The following SERF2 variants were observed in gnomAD, a reference collection of about 807,000 sequenced individuals.
The protein encoded by SERF2 is small EDRK-rich factor 2.
Under a neutral mutation model 10.7 loss-of-function variants are expected in SERF2, and 4 were observed. The ratio of observed to expected loss-of-function variants is 0.37; its 90% CI spans 0.18 to 0.86. SERF2 has a LOEUF of 0.86. SERF2 is among the 40% of genes least tolerant of loss of function. The pLI is 0.43. For missense variants in SERF2, 47 were observed against 79.1 expected (o/e 0.59, Z 1.54); for synonymous variants, 26 against 26.0 (o/e 1.00, Z 0.01).
chr15:43,793,890 T>A lies in SERF2; in HGVS notation c.*117T>A. On this transcript the variant is annotated 3_prime_UTR_variant, in exon 3 of 3. Coordinates refer to ENST00000249786, the MANE Select transcript of SERF2 (RefSeq NM_001018108.4). ...GGTCCCAGCACCGATGGCATTCCCT[T>A]TGCCCTGAGTCTGCAGCGGGTCCCT... 1 of 1,601,594 alleles carries A rather than the reference T, an allele frequency of 6.2e-7. No individual in the cohort carries two copies. The highest frequency in any genetic ancestry group is 8.5e-7 in the Non-Finnish European group (1 of 1,173,658).
At chr15:43,783,925 CTA>C (rs1364935253) in intron 1 of SERF2, among the ~76,000 whole-genome samples, 12 of 69,442 alleles carry the variant, frequency 1.7e-4, no homozygotes, top group South Asian at 6.0e-4. Context: ...CCACGCCCAG[CTA>C]TTTTTTTTTT....
chr15:43,777,409 A>C, exon 1 of SERF2: 1 of 263,302 alleles, frequency 3.8e-6, no homozygotes, highest in Non-Finnish European at 7.7e-6. Flanking sequence ...CCGAGAGACC[A>C]GAGGATGGCT....
chr15:43,792,563 G>C, intron 1 of SERF2, 180 bp downstream of exon 1: 1 of 1,479,282 alleles, frequency 6.8e-7, no homozygotes, highest in Non-Finnish European at 9.0e-7. Flanking sequence ...GCTACTTCAC[G>C]GGACCACCCT....
At chr15:43,783,340 C>G (rs770519648) in intron 1 of SERF2, among the ~76,000 whole-genome samples, 1 of 150,392 alleles carries the variant, frequency 6.6e-6, no homozygotes, top group Non-Finnish European at 1.5e-5. Flanking sequence ...CTCTGTTGCC[C>G]AGGCTGGAGT....
chr15:43,777,303 C>T, exon 1 of SERF2: 1 of 368,002 alleles, frequency 2.7e-6, no homozygotes, highest in Non-Finnish European at 5.4e-6. Context: ...AACCTGCAAC[C>T]CCTTGAGGGT....
chr15:43,791,081 CT>C (rs1429880132), upstream of SERF2, among the ~76,000 whole-genome samples: 19 of 134,712 alleles, frequency 1.4e-4, no homozygotes, highest in Admixed American at 1.5e-4. Flanking sequence ...CTTATTAACT[CT>C]TTTTTTTTTG....
At chr15:43,778,583 A>C (rs1476535932) in intron 1 of SERF2, among the ~76,000 whole-genome samples, 4 of 53,966 alleles carry the variant, frequency 7.4e-5, no homozygotes, top group African/African-American at 3.7e-4. Context: ...TTCCATCTCA[A>C]AAAAAAAAAA....
intron 2 of SERF2, 40 bp from the exon 3 acceptor site, chr15:43,793,670 C>T (rs558401790): frequency 9.3e-6 from 15 of 1,613,562 alleles, no homozygotes; most frequent in Admixed American, 5.0e-5. Flanking sequence ...TCCTTTTTGC[C>T]CTCTGGTACC....
Position 43,795,597 on chromosome 15 carries a change from TCCC to T in SERF2, c.*1827_*1829del. ...AGCTGCTGAAACACCTCTTCCCCTC[TCCC>T]CCAACTACCTTTGTTAAGGCTCTTG... is the stretch of plus-strand genomic sequence containing the variant. On this transcript the variant is annotated 3_prime_UTR_variant, in exon 3 of 3. Transcript: ENST00000249786. The T allele has an allele frequency of 3.7e-6, 6 of 1,611,220 alleles. No individual in the cohort carries two copies. Among genetic ancestry groups the T allele is most frequent in the Non-Finnish European group, 5.1e-6 (6 of 1,177,670 alleles).
chr15:43,777,127 C>T (rs577579050), exon 1 of SERF2: 6 of 729,480 alleles, frequency 8.2e-6, no homozygotes, highest in African/African-American at 1.7e-5. Context: ...TCGGCGCTTT[C>T]TTCTAGGATC....
In SERF2 at chr15:43,793,824, C is replaced by A. The variant is rs755878719; in HGVS notation, c.*51C>A. 6.2e-7 allele frequency: 1 copy of A among 1,613,822 alleles called. No individual in the cohort carries two copies. The highest frequency in any genetic ancestry group is 1.7e-5 in the Admixed American group (1 of 59,994). Reference sequence around the variant, plus strand: ...TTGCCCTTCGCCTGTGTGCCTGGAGCCAGTCCCACCACGCTCGCGTTTCCT... The same window carrying A: ...TTGCCCTTCGCCTGTGTGCCTGGAGACAGTCCCACCACGCTCGCGTTTCCT... On this transcript the variant is annotated 3_prime_UTR_variant, in exon 3 of 3. Coordinates refer to ENST00000249786, the MANE Select transcript of SERF2 (RefSeq NM_001018108.4).
intron 1 of SERF2, among the ~76,000 whole-genome samples, chr15:43,778,979 T>C (rs2086945125): frequency 6.6e-6 from 1 of 152,052 alleles, no homozygotes; most frequent in Admixed American, 6.6e-5. Flanking sequence ...AAGAAAAAGT[T>C]TTAAGATGGG....
At chr15:43,792,040 G>C (rs1310132257), upstream of SERF2, 5 of 485,160 alleles carry the variant, frequency 1.0e-5, no homozygotes, top group Non-Finnish European at 1.9e-5. Flanking sequence ...ACGTGCTCGA[G>C]CCCGCGGGAG....
exon 1 of SERF2, chr15:43,777,376 A>C: frequency 3.2e-6 from 1 of 313,050 alleles, no homozygotes; most frequent in South Asian, 2.5e-5. Context: ...GTTCGCGCCC[A>C]GTTAGCCCCG....
upstream of SERF2, among the ~76,000 whole-genome samples, chr15:43,789,227 G>A (rs1247747020): frequency 1.3e-5 from 2 of 151,796 alleles, no homozygotes; most frequent in African/African-American, 4.8e-5. Flanking sequence ...TATATTAGCA[G>A]TAGTAACTTG....
intron 1 of SERF2, chr15:43,777,513 C>T (rs923855678): frequency 2.2e-5 from 4 of 184,592 alleles, no homozygotes; most frequent in Non-Finnish European, 4.6e-5. Flanking sequence ...GTAATTGGGG[C>T]CCTGCGGTTG....
chr15:43,795,025 G>C lies in SERF2; in HGVS notation c.*1252G>C. On this transcript the variant is annotated 3_prime_UTR_variant, in exon 3 of 3. Transcript: ENST00000249786. ...TTAGACTGGAGGATATTTGTTATCT[G>C]GGGATATGATGCGGTGGCGGCGGCG... 1 of 1,611,930 alleles carries C rather than the reference G, an allele frequency of 6.2e-7. No individual in the cohort carries two copies. Among genetic ancestry groups the C allele is most frequent in the Non-Finnish European group, 8.5e-7 (1 of 1,179,750 alleles).
rs776952164 is a variant in SERF2 at position 43,794,097 on chromosome 15, G to A, written c.*324G>A. ...CTTGGGGGGATGGGGTTGGAAGAATGACTGCCCTTTCCCACCAAAAAAGGG... is the reference window on the plus strand; with the variant it reads ...CTTGGGGGGATGGGGTTGGAAGAATAACTGCCCTTTCCCACCAAAAAAGGG... On this transcript the variant is annotated 3_prime_UTR_variant, in exon 3 of 3. Transcript: ENST00000249786. 1.6e-4 allele frequency: 151 copies of A among 921,812 alleles called. No individual in the cohort carries two copies. The highest frequency in any genetic ancestry group is 2.3e-4 in the Non-Finnish European group (144 of 635,692). The allele number at this position is 921,812 out of a possible 1,614,324, so 57.1% of individuals were successfully genotyped here. A position where few individuals can be genotyped will look rare whatever the true frequency, so the allele number is the denominator to read the frequency against.
chr15:43,793,069 C>T lies in SERF2; in HGVS notation c.102C>T (p.Ala34=), dbSNP rs371293178. Residue 34 remains alanine (A), a synonymous_variant, in exon 2 of 3, where the codon GCC becomes GCT. Coordinates refer to ENST00000249786, the MANE Select transcript of SERF2 (RefSeq NM_001018108.4). ...GKRRDDGLSA[A]ARKQRDSEIM... ...GCCGAGATGACGGGCTTTCTGCTGCCGCCCGCAAGCAGAGGTAGCCCCAGG... is the reference window on the plus strand; with the variant it reads ...GCCGAGATGACGGGCTTTCTGCTGCTGCCCGCAAGCAGAGGTAGCCCCAGG... 18 of 1,610,488 alleles carry T rather than the reference C, an allele frequency of 1.1e-5. No homozygotes were observed. The highest frequency in any genetic ancestry group is 1.4e-5 in the Non-Finnish European group (17 of 1,177,126).
Sources: allele counts gnomAD v4.1 joint callset (sites outside exome capture counted in the v4.1 genomes callset), GRCh38; gene constraint gnomAD v4.1.1; transcripts MANE v1.5; gene names NCBI Gene and HGNC (gene_info 2026-07-23, HGNC 2026-07-21).